DHX29: variants seen among roughly 807,000 people sequenced by gnomAD.
DHX29 encodes the protein ATP-dependent RNA helicase DHX29.
Under a neutral mutation model 167.9 loss-of-function variants are expected in DHX29, and 79 were observed. The observed-to-expected ratio is 0.47, with a 90% confidence interval of 0.39 to 0.57. DHX29 has a LOEUF of 0.57. Ranked by LOEUF, DHX29 falls within the 20% of genes least tolerant of loss-of-function variation. DHX29 has a pLI of 0.00. For synonymous variants in DHX29, 530 were observed against 546.0 expected (o/e 0.97, Z 0.41); for missense variants, 1,347 against 1,593.4 (o/e 0.85, Z 2.63).
intron 8 of DHX29, 89 bp downstream of exon 8, chr5:55,289,181 G>A: frequency 7.3e-7 from 1 of 1,362,398 alleles, no homozygotes; most frequent in East Asian, 2.8e-5. Flanking sequence ...TACTTTGCCA[G>A]AATGCAAAGT....
chr5:55,274,764 T>C, intron 15 of DHX29, 33 bp from the exon 16 acceptor site: 1 of 1,566,012 alleles, frequency 6.4e-7, no homozygotes, highest in Non-Finnish European at 8.6e-7. Flanking sequence ...ATATTCAAAA[T>C]AAGAAGATAA....
chr5:55,276,502 C>A, intron 13 of DHX29, 96 bp from the exon 14 acceptor site: 2 of 957,034 alleles, frequency 2.1e-6, no homozygotes, highest in South Asian at 1.7e-5. Flanking sequence ...TGAATGTCAC[C>A]AAATGTTAAT....
intron 23 of DHX29, among the ~76,000 whole-genome samples, chr5:55,264,659 G>C (rs997213212): frequency 6.6e-6 from 1 of 151,996 alleles, no homozygotes; most frequent in Non-Finnish European, 1.5e-5. Flanking sequence ...GACAATTTGA[G>C]TATTAAAAAA....
At chr5:55,289,468 A>T in intron 7 of DHX29, 40 bp from the exon 8 acceptor site, 2 of 1,425,962 alleles carry the variant, frequency 1.4e-6, no homozygotes, top group Middle Eastern at 2.3e-4. Flanking sequence ...TCATGGTTTT[A>T]AAAAAATTGT....
chr5:55,267,941 C>T, intron 21 of DHX29, 119 bp from the exon 22 acceptor site: 2 of 488,730 alleles, frequency 4.1e-6, no homozygotes, highest in Non-Finnish European at 6.3e-6. Flanking sequence ...TGTTTATTTT[C>T]AATATTTTAT....
intron 7 of DHX29, among the ~76,000 whole-genome samples, 153 bp from the exon 8 acceptor site, chr5:55,289,581 T>C (rs560499516): frequency 4.6e-5 from 7 of 152,284 alleles, no homozygotes; most frequent in African/African-American, 1.7e-4. Context: ...TTCCTTCTTT[T>C]TCCTTGTAGC....
chr5:55,273,409 G>A lies in DHX29; in HGVS notation c.2691-32C>T, dbSNP rs566491784. 33 of 1,515,070 alleles carry A rather than the reference G, an allele frequency of 2.2e-5. No individual in the cohort carries two copies. The East Asian group carries it at 7.3e-4, about 34-fold the overall frequency. 93.9% of individuals were successfully genotyped at this position (1,515,070 alleles called of 1,614,324 possible). On this transcript the variant is annotated intron_variant, in intron 16 of 26. Transcript: ENST00000251636. Reference sequence around the variant, plus strand: ...GTTAAAATCATAGTTCTTAGCAAGAGTTTCTCTTTAGAAGACACTGCAAAG... The same window carrying A: ...GTTAAAATCATAGTTCTTAGCAAGAATTTCTCTTTAGAAGACACTGCAAAG...
chr5:55,272,173 A>C lies in DHX29; in HGVS notation c.2778T>G (p.Ile926Met), dbSNP rs925695534. The C allele has an allele frequency of 1.3e-6, 2 of 1,560,038 alleles. No individual in the cohort carries two copies. Among genetic ancestry groups the C allele is most frequent in the South Asian group, 2.4e-5 (2 of 82,178 alleles). The change falls in exon 18 of 27, where the codon ATT becomes ATG. Residue 926 changes from isoleucine to methionine, a missense_variant and splice_region_variant. Coordinates refer to ENST00000251636, the MANE Select transcript of DHX29 (RefSeq NM_019030.4). ...FTLPPPGVRK[I>M]VLATNIAETG... Reference sequence around the variant, plus strand: ...TCTCTGCAATATTGGTTGCTAAAACAATCTGAAAATAAACAAAAAGCTTAA... The same window carrying C: ...TCTCTGCAATATTGGTTGCTAAAACCATCTGAAAATAAACAAAAAGCTTAA...
Position 55,267,125 on chromosome 5 carries a change from T to A in DHX29, c.3525+13A>T, listed in dbSNP as rs773678328. 6.5e-7 allele frequency: 1 copy of A among 1,542,246 alleles called. No individual in the cohort carries two copies. Among genetic ancestry groups the A allele is most frequent in the Non-Finnish European group, 8.9e-7 (1 of 1,122,174 alleles). On this transcript the variant is annotated intron_variant, in intron 23 of 26. Coordinates refer to ENST00000251636, the MANE Select transcript of DHX29 (RefSeq NM_019030.4). ...CCCATGACTCTGAGTGAGAGATCCA[T>A]ATTAAGAATTACCTCTAGGGTTAAC...
At position 55,262,929 on chromosome 5, in the gene DHX29, C is replaced by T. The variant is rs1394524573; in HGVS notation, c.3529G>A (p.Val1177Ile). The change falls in exon 24 of 27, where the codon GTA becomes ATA. Residue 1177 changes from valine (V) to isoleucine (I), a missense_variant. Physicochemically the swap from Val to Ile is conservative, Grantham distance 29. This residue lies in a region of DHX29 where 882 missense variants were observed against 1,082.4 expected (regional missense o/e 0.81). Transcript: ENST00000251636. ...ACCAACTTTATTAACTCCTGCTTTA[C>T]ATCCTAGATTGGTTTATGTTAAAAA... The part of the protein sequence containing the change: ...NRTSLLTLED[V>I]KQELIKLVKA... 1.2e-6 allele frequency: 2 copies of T among 1,607,628 alleles called. No homozygotes were observed. Among genetic ancestry groups the T allele is most frequent in the African/African-American group, 1.3e-5 (1 of 74,672 alleles).
At chr5:55,265,313 A>G (rs1173458736) in intron 23 of DHX29, among the ~76,000 whole-genome samples, 1 of 151,806 alleles carries the variant, frequency 6.6e-6, no homozygotes, top group Non-Finnish European at 1.5e-5. Context: ...GGATGAACCT[A>G]GCTGACCCCA....
Position 55,297,390 on chromosome 5 carries a change from A to G in DHX29, c.270T>C (p.Ile90=), listed in dbSNP as rs530774736. Residue 90 remains isoleucine (I), a synonymous_variant, in exon 3 of 27, where the codon ATT becomes ATC. Transcript: ENST00000251636. The stretch of plus-strand genomic sequence containing the variant: ...TAATTCTTTGCTCTAGTTTGTTATT[A>G]ATTACCACCTGTTGAGGCCAAAAAG... ...NLDKSILKVV[I]NNKLEQRIIG... is the part of the protein sequence containing the mutation. 1 of 1,390,412 alleles carries G rather than the reference A, an allele frequency of 7.2e-7. No individual in the cohort carries two copies. The highest frequency in any genetic ancestry group is 1.7e-5 in the Admixed American group (1 of 58,608). 86.1% of individuals were successfully genotyped at this position (1,390,412 alleles called of 1,614,324 possible).
At chr5:55,304,589 T>C (rs2111989569) in intron 1 of DHX29, among the ~76,000 whole-genome samples, 1 of 152,134 alleles carries the variant, frequency 6.6e-6, no homozygotes, top group African/African-American at 2.4e-5. Flanking sequence ...CGTGAGCCAC[T>C]GCGCCTAGCC....
chr5:55,269,489 A>G lies in DHX29; in HGVS notation c.3218T>C (p.Leu1073Pro). ...EPKLTPLGQHLAALPVNVKIG... is the reference protein window; with the variant it reads ...EPKLTPLGQHPAALPVNVKIG... ...CTTGACATTCACAGGTAAAGCTGCA[A>G]GGTGTTGGCCCAACGGAGTCAGTTT... The change falls in exon 21 of 27, where the codon CTT (leucine) becomes CCT (proline). Residue 1073 changes from leucine to proline, a missense_variant. Coordinates refer to ENST00000251636, the MANE Select transcript of DHX29 (RefSeq NM_019030.4). The G allele has an allele frequency of 6.2e-7, 1 of 1,614,100 alleles. No homozygotes were observed. The highest frequency in any genetic ancestry group is 8.5e-7 in the Non-Finnish European group (1 of 1,180,024).
Position 55,297,388 on chromosome 5 carries a change from T to C in DHX29, c.272A>G (p.Asn91Ser). ...AATAATTCTTTGCTCTAGTTTGTTA[T>C]TAATTACCACCTGTTGAGGCCAAAA... ...LDKSILKVVI[N>S]NKLEQRIIGV... The change falls in exon 3 of 27, where the codon AAT (asparagine) becomes AGT (serine). Residue 91 changes from asparagine (N) to serine (S), a missense_variant. Coordinates refer to ENST00000251636, the MANE Select transcript of DHX29 (RefSeq NM_019030.4). 1.4e-6 allele frequency: 2 copies of C among 1,423,634 alleles called. No individual in the cohort carries two copies. The highest frequency in any genetic ancestry group is 2.0e-6 in the Non-Finnish European group (2 of 1,011,092). The allele number at this position is 1,423,634 out of a possible 1,614,324, so 88.2% of individuals were successfully genotyped here.
chr5:55,274,776 G>C (rs771546458), intron 15 of DHX29, 45 bp from the exon 16 acceptor site: 2 of 1,564,484 alleles, frequency 1.3e-6, no homozygotes. Context: ...AGAAGATAAG[G>C]AACAGCATAT....
intron 23 of DHX29, 25 bp from the exon 24 acceptor site, chr5:55,262,957 CAAAT>C (rs1746381309): frequency 6.6e-7 from 1 of 1,513,704 alleles, no homozygotes; most frequent in Non-Finnish European, 9.1e-7. Flanking sequence ...GTTAAAAACA[CAAAT>C]AATCAAATTG....
At chr5:55,303,273 G>A (rs960184367) in intron 1 of DHX29, among the ~76,000 whole-genome samples, 1 of 152,084 alleles carries the variant, frequency 6.6e-6, no homozygotes, top group Non-Finnish European at 1.5e-5. Flanking sequence ...CCTTCTGATC[G>A]ACAGTGTGTA....
At chr5:55,266,374 A>C (rs1184430472) in intron 23 of DHX29, among the ~76,000 whole-genome samples, 1 of 139,442 alleles carries the variant, frequency 7.2e-6, no homozygotes. Context: ...CAATGGCGTG[A>C]TCTTGGCTCA....
Sources: allele counts gnomAD v4.1 joint callset (sites outside exome capture counted in the v4.1 genomes callset), GRCh38; gene constraint gnomAD v4.1.1; regional missense constraint gnomAD v4.1.1; transcripts MANE v1.5; gene names NCBI Gene and HGNC (gene_info 2026-07-23, HGNC 2026-07-21).